NKAIN2: variants seen among roughly 807,000 people sequenced by gnomAD.
NKAIN2 encodes sodium/potassium-transporting ATPase subunit beta-1-interacting protein 2.
In NKAIN2, 14 loss-of-function variants were observed where a neutral mutation model predicts 32.6. That is an observed-to-expected ratio of 0.43 (90% confidence interval 0.28 to 0.67). NKAIN2 has a LOEUF of 0.67. NKAIN2 is among the 30% of genes least tolerant of loss of function. The pLI is 0.17. For synonymous variants in NKAIN2, 80 were observed against 87.2 expected, an observed-to-expected ratio of 0.92 and a Z score of 0.46; for missense variants, 198 against 258.3, an observed-to-expected ratio of 0.77 and a Z score of 1.60.
intron 3 of NKAIN2, among the ~76,000 whole-genome samples, chr6:124,541,125 A>G (rs868348495): frequency 6.6e-6 from 1 of 151,818 alleles, no homozygotes; most frequent in Non-Finnish European, 1.5e-5. Flanking sequence ...ACATACACAC[A>G]TATACACACA....
chr6:124,746,561 A>C (rs2114700818), intron 4 of NKAIN2, among the ~76,000 whole-genome samples: 1 of 152,026 alleles, frequency 6.6e-6, no homozygotes, highest in South Asian at 2.1e-4. Flanking sequence ...CAAATTATCT[A>C]TGAAATGAGA....
chr6:123,831,361 A>G (rs1404509622), intron 1 of NKAIN2, among the ~76,000 whole-genome samples: 2 of 151,616 alleles, frequency 1.3e-5, no homozygotes, highest in African/African-American at 2.4e-5. Context: ...AATCTTTTAT[A>G]TAGCCATGAT....
chr6:124,523,142 C>CAAA (rs60961771), intron 3 of NKAIN2, among the ~76,000 whole-genome samples: 2,352 of 115,706 alleles, frequency 0.02, 126 homozygotes, highest in East Asian at 0.15. Context: ...GACTCCGTCT[C>CAAA]AAAAAAAAAA....
At chr6:124,493,845 C>A (rs1217883033) in intron 3 of NKAIN2, among the ~76,000 whole-genome samples, 7 of 151,628 alleles carry the variant, frequency 4.6e-5, no homozygotes, top group African/African-American at 1.7e-4. Context: ...GACTGGTTGA[C>A]ACGACCCCTT....
At chr6:124,059,079 T>C (rs1782797642) in intron 1 of NKAIN2, among the ~76,000 whole-genome samples, 1 of 151,352 alleles carries the variant, frequency 6.6e-6, no homozygotes, top group Non-Finnish European at 1.5e-5. Context: ...ATAAACATAT[T>C]AGAATGGAAA....
At chr6:124,364,903 C>A (rs1024222791) in intron 3 of NKAIN2, among the ~76,000 whole-genome samples, 1 of 151,804 alleles carries the variant, frequency 6.6e-6, no homozygotes, top group Non-Finnish European at 1.5e-5. Context: ...TGCATGACAA[C>A]AATAACACAA....
intron 1 of NKAIN2, among the ~76,000 whole-genome samples, chr6:124,118,436 CA>C (rs1785722163): frequency 6.6e-6 from 1 of 151,944 alleles, no homozygotes; most frequent in Non-Finnish European, 1.5e-5. Context: ...GAAGAGAAAA[CA>C]AATGATTATA....
intron 3 of NKAIN2, among the ~76,000 whole-genome samples, chr6:124,568,506 T>TATAA (rs1168682160): frequency 2.6e-5 from 4 of 152,180 alleles, no homozygotes; most frequent in Admixed American, 2.6e-4. Context: ...CTGAGTCTCA[T>TATAA]ATAAGGTAAG....
chr6:124,756,653 TA>T (rs11305752), intron 4 of NKAIN2, among the ~76,000 whole-genome samples: 147,036 of 151,928 alleles, frequency 0.97, 71,326 homozygotes, highest in East Asian at 1. Context: ...ATGCAATTTT[TA>T]AAAAAAATAG....
chr6:124,193,594 C>T (rs1015899988), intron 1 of NKAIN2, among the ~76,000 whole-genome samples: 22 of 152,134 alleles, frequency 1.4e-4, no homozygotes, highest in African/African-American at 4.1e-4. Flanking sequence ...CCTTGTCACC[C>T]GCAACATTGT....
chr6:124,268,858 C>T (rs866465620), intron 1 of NKAIN2, among the ~76,000 whole-genome samples: 1 of 151,970 alleles, frequency 6.6e-6, no homozygotes, highest in South Asian at 2.1e-4. Context: ...AGCCATGTAA[C>T]CTTGGTCAAG....
chr6:123,815,587 A>T (rs1773659151), intron 1 of NKAIN2, among the ~76,000 whole-genome samples: 4 of 152,136 alleles, frequency 2.6e-5, no homozygotes, highest in Admixed American at 2.6e-4. Context: ...CTCTCTTACC[A>T]GGAAAATGGG....
intron 1 of NKAIN2, among the ~76,000 whole-genome samples, chr6:124,233,155 A>G (rs1178789714): frequency 3.3e-5 from 5 of 151,976 alleles, no homozygotes; most frequent in African/African-American, 1.2e-4. Context: ...TATATTGCCT[A>G]TTGGATTGTA....
intron 4 of NKAIN2, among the ~76,000 whole-genome samples, chr6:124,752,686 G>A (rs547766696): frequency 2.0e-5 from 3 of 152,024 alleles, no homozygotes; most frequent in African/African-American, 7.2e-5. Flanking sequence ...CTTGTGGGTA[G>A]GTCAGCAGAG....
chr6:124,183,942 C>T (rs1789579700), intron 1 of NKAIN2, among the ~76,000 whole-genome samples: 1 of 152,090 alleles, frequency 6.6e-6, no homozygotes, highest in African/African-American at 2.4e-5. Context: ...TCTGCCAGCA[C>T]ACATACAGAT....
At chr6:124,355,569 A>G (rs560615137) in intron 3 of NKAIN2, among the ~76,000 whole-genome samples, 8 of 152,324 alleles carry the variant, frequency 5.3e-5, no homozygotes, top group South Asian at 2.1e-4. Context: ...ACTGTTGCTT[A>G]TTATAGTGAC....
At chr6:124,178,671 G>T (rs571425114) in intron 1 of NKAIN2, among the ~76,000 whole-genome samples, 2 of 152,164 alleles carry the variant, frequency 1.3e-5, no homozygotes, top group Non-Finnish European at 2.9e-5. Flanking sequence ...CACATGTGAT[G>T]CATGAGGAAA....
chr6:124,037,264 G>GT (rs1183919513), intron 1 of NKAIN2, among the ~76,000 whole-genome samples: 20 of 152,094 alleles, frequency 1.3e-4, no homozygotes, highest in African/African-American at 4.1e-4. Context: ...ATTTGGAAAT[G>GT]TTTTTTGCCA....
intron 4 of NKAIN2, among the ~76,000 whole-genome samples, chr6:124,716,191 C>T (rs960764055): frequency 3.3e-5 from 5 of 152,290 alleles, no homozygotes; most frequent in African/African-American, 9.6e-5. Context: ...AGGTTCAGAA[C>T]GTAATTTTTA....
Sources: allele counts gnomAD v4.1 joint callset (sites outside exome capture counted in the v4.1 genomes callset), GRCh38; gene constraint gnomAD v4.1.1; transcripts MANE v1.5; gene names NCBI Gene and HGNC (gene_info 2026-07-23, HGNC 2026-07-21).